Variants in TM9SF3 observed in about 807,000 individuals in gnomAD.
TM9SF3 encodes the protein transmembrane 9 superfamily member 3, also known as SM-11044-binding protein.
In TM9SF3, 14 loss-of-function variants were observed where a neutral mutation model predicts 78.6. The observed-to-expected ratio is 0.18, with a 90% CI of 0.12 to 0.28. The LOEUF is 0.28. Among genes scored for constraint, TM9SF3 ranks in the 10% least tolerant of loss-of-function variants. The pLI is 1.00. For synonymous variants in TM9SF3, 231 were observed against 241.7 expected, an observed-to-expected ratio of 0.96 and a Z score of 0.41; for missense variants, 496 against 721.9, an observed-to-expected ratio of 0.69 and a Z score of 3.59.
Position 96,519,360 on chromosome 10 carries a change from A to AT in TM9SF3, c.*2902dup, listed in dbSNP as rs1847734359. On this transcript the variant is annotated 3_prime_UTR_variant, in exon 15 of 15. Transcript: ENST00000371142. The stretch of plus-strand genomic sequence containing the variant: ...TTCGGATATCACCATAATATAATGA[A>AT]TTCTAAGAGTATGGGGTTTGATTTA... 1 of 151,992 alleles carries AT rather than the reference A, an allele frequency of 6.6e-6. No homozygotes were observed. Among genetic ancestry groups the AT allele is most frequent in the Non-Finnish European group, 1.5e-5 (1 of 67,888 alleles). 9.4% of individuals were successfully genotyped at this position (151,992 alleles called of 1,614,324 possible).
intron 14 of TM9SF3, 96 bp downstream of exon 14, chr10:96,527,117 A>ATT (rs1847847023): frequency 9.4e-7 from 1 of 1,060,946 alleles, no homozygotes; most frequent in African/African-American, 1.6e-5. Flanking sequence ...TTCTGATCAA[A>ATT]CAACAGATAA....
intron 2 of TM9SF3, among the ~76,000 whole-genome samples, chr10:96,575,436 A>G (rs987767839): frequency 6.6e-6 from 1 of 151,512 alleles, no homozygotes; most frequent in East Asian, 2.0e-4. Flanking sequence ...TAATTTTATA[A>G]TTAAGCCCCA....
Position 96,533,118 on chromosome 10 carries a change from G to T in TM9SF3, c.1258C>A (p.Leu420Met), listed in dbSNP as rs766509352. The T allele has an allele frequency of 1.1e-5, 18 of 1,613,990 alleles. No individual in the cohort carries two copies. Among genetic ancestry groups the T allele is most frequent in the Non-Finnish European group, 1.5e-5 (18 of 1,180,020 alleles). Residue 420 changes from leucine (L) to methionine (M), a missense_variant, in exon 10 of 15, where the codon CTG (leucine) becomes ATG (methionine). Physicochemically the swap from Leu to Met is conservative, Grantham distance 15. Around this residue, in one of 4 missense-constraint regions of TM9SF3, gnomAD observed 280 missense variants for 422.6 expected, o/e 0.66. Coordinates refer to ENST00000371142, the MANE Select transcript of TM9SF3 (RefSeq NM_020123.4). ...NLVGTILGRN[L>M]SGQPNFPCRV... ...CAAGGAAAGTTGGGCTGACCTGACA[G>T]ATTTCGGCCAAGTATTGTACCAACA... is the stretch of plus-strand genomic sequence containing the variant.
At chr10:96,568,913 G>A (rs990325359) in intron 2 of TM9SF3, among the ~76,000 whole-genome samples, 1 of 152,024 alleles carries the variant, frequency 6.6e-6, no homozygotes, top group African/African-American at 2.4e-5. Flanking sequence ...CAGGCCAAGC[G>A]TGCTGGCTCA....
chr10:96,554,381 T>C (rs1275205415), intron 5 of TM9SF3, among the ~76,000 whole-genome samples: 3 of 152,180 alleles, frequency 2.0e-5, no homozygotes, highest in African/African-American at 7.2e-5. Context: ...AATCTCACTT[T>C]TGCCCCACAA....
intron 2 of TM9SF3, among the ~76,000 whole-genome samples, chr10:96,574,923 G>A (rs898529827): frequency 6.6e-5 from 10 of 152,128 alleles, no homozygotes; most frequent in African/African-American, 9.7e-5. Flanking sequence ...GGCCCTGTCA[G>A]GGGGTGGGGG....
chr10:96,583,739 A>AC (rs1212799360), intron 1 of TM9SF3, among the ~76,000 whole-genome samples: 1 of 152,238 alleles, frequency 6.6e-6, no homozygotes, highest in Non-Finnish European at 1.5e-5. Flanking sequence ...AATACTTAGA[A>AC]CAGTGCATAG....
chr10:96,541,874 T>C (rs1848037563), intron 9 of TM9SF3, among the ~76,000 whole-genome samples: 1 of 152,214 alleles, frequency 6.6e-6, no homozygotes, highest in Admixed American at 6.5e-5. Flanking sequence ...CTCAGACACA[T>C]GGCACCTATG....
At chr10:96,544,439 T>C (rs1289145701) in intron 8 of TM9SF3, among the ~76,000 whole-genome samples, 4 of 152,230 alleles carry the variant, frequency 2.6e-5, no homozygotes, top group Non-Finnish European at 5.9e-5. Flanking sequence ...TTGTCTTGAC[T>C]CTGCCACTGA....
chr10:96,558,787 A>T (rs1312150519), intron 5 of TM9SF3, among the ~76,000 whole-genome samples: 2 of 152,222 alleles, frequency 1.3e-5, no homozygotes, highest in Non-Finnish European at 2.9e-5. Context: ...GACAACAAAA[A>T]CTTACGGGCC....
Position 96,586,856 on chromosome 10 carries a change from G to A in TM9SF3, c.-21C>T. 8.3e-6 allele frequency: 10 copies of A among 1,201,068 alleles called. No homozygotes were observed. Among genetic ancestry groups the A allele is most frequent in the Non-Finnish European group, 9.3e-6 (9 of 970,248 alleles). 74.4% of individuals were successfully genotyped at this position (1,201,068 alleles called of 1,614,324 possible). ...CTCATCCTCCGCGCCCCTCCGGCCC[G>A]GAGCCGGCTCACCGACTCCTCCTCC... On this transcript the variant is annotated 5_prime_UTR_variant, in exon 1 of 15. Coordinates refer to ENST00000371142, the MANE Select transcript of TM9SF3 (RefSeq NM_020123.4).
intron 9 of TM9SF3, among the ~76,000 whole-genome samples, chr10:96,543,162 T>A (rs1848054122): frequency 6.6e-6 from 1 of 152,186 alleles, no homozygotes; most frequent in Admixed American, 6.5e-5. Flanking sequence ...ATTCTGTTTC[T>A]AGTAAAAAGG....
At chr10:96,573,602 A>G (rs1399784683) in intron 2 of TM9SF3, among the ~76,000 whole-genome samples, 1 of 152,206 alleles carries the variant, frequency 6.6e-6, no homozygotes, top group Non-Finnish European at 1.5e-5. Context: ...AAAAGAAAAT[A>G]AATCCCACTT....
At chr10:96,571,624 A>G (rs1041788783) in intron 2 of TM9SF3, among the ~76,000 whole-genome samples, 6 of 152,230 alleles carry the variant, frequency 3.9e-5, no homozygotes, top group African/African-American at 1.4e-4. Context: ...TAAACTAAAA[A>G]TATATAAGGC....
chr10:96,563,534 C>T lies in TM9SF3; in HGVS notation c.422-1396G>A, dbSNP rs919585861. Among the ~76,000 whole-genome samples, 4 of 152,158 alleles carry T rather than the reference C, an allele frequency of 2.6e-5. No individual in the cohort carries two copies. The East Asian group carries it at 7.7e-4, about 29-fold the overall frequency. ...GGGACTATAGGTGTGCACCACCATG[C>T]ACAGCTAAATTTTTTGTATTTTTAG... On this transcript the variant is annotated intron_variant, in intron 3 of 14. Transcript: ENST00000371142.
At chr10:96,551,660 G>A (rs1848171672) in intron 6 of TM9SF3, among the ~76,000 whole-genome samples, 1 of 152,118 alleles carries the variant, frequency 6.6e-6, no homozygotes, top group Admixed American at 6.5e-5. Context: ...AAAAGAAAAG[G>A]TTTAGTAACA....
chr10:96,576,967 C>A (rs532337217), intron 1 of TM9SF3, 138 bp from the exon 2 acceptor site: 956 of 598,046 alleles, frequency 1.6e-3, no homozygotes, highest in Non-Finnish European at 2.3e-3. Flanking sequence ...GAAGCTTAAT[C>A]TGATGATGAA....
At chr10:96,544,524 G>A (rs917857377) in intron 8 of TM9SF3, among the ~76,000 whole-genome samples, 3 of 151,964 alleles carry the variant, frequency 2.0e-5, no homozygotes, top group Admixed American at 1.3e-4. Flanking sequence ...TTTATTACTG[G>A]TTTAAATTAA....
chr10:96,562,755 T>C lies in TM9SF3; in HGVS notation c.422-617A>G, dbSNP rs990414529. On this transcript the variant is annotated intron_variant, in intron 3 of 14. Coordinates refer to ENST00000371142, the MANE Select transcript of TM9SF3 (RefSeq NM_020123.4). ...CAGTTTAAAATTATCACTTCAATCATAATTTGGGATATTGGAAAAAAAAGA... is the reference window on the plus strand; with the variant it reads ...CAGTTTAAAATTATCACTTCAATCACAATTTGGGATATTGGAAAAAAAAGA... Among the ~76,000 whole-genome samples, 4 of 152,160 alleles carry C rather than the reference T, an allele frequency of 2.6e-5. No homozygotes were observed. In the South Asian group the frequency reaches 8.3e-4, roughly 31 times the overall value.
Sources: gnomAD v4.1 joint callset for allele counts (sites outside exome capture counted in the v4.1 genomes callset) on GRCh38, gnomAD v4.1.1 for gene constraint, gnomAD v4.1.1 regional missense constraint, MANE v1.5 for transcripts, NCBI Gene and HGNC (gene_info 2026-07-23, HGNC 2026-07-21) for gene names.